DLGAP2: variants seen among roughly 807,000 people sequenced by gnomAD.
The protein encoded by DLGAP2 is disks large-associated protein 2.
Under a neutral mutation model 100.3 loss-of-function variants are expected in DLGAP2, and 26 were observed. That is an observed-to-expected ratio of 0.26 (90% CI 0.19 to 0.36). The LOEUF (loss-of-function observed/expected upper bound fraction) is 0.36, where lower values mean the gene tolerates loss of function less well. DLGAP2 is among the 10% of genes least tolerant of loss of function. The pLI is 1.00. For missense variants in DLGAP2, 1,858 were observed against 1,453.2 expected (o/e 1.28, Z -4.53); for synonymous variants, 886 against 630.1 (o/e 1.41, Z -6.08).
chr8:1,561,104 G>C (rs1802142628), intron 5 of DLGAP2, among the ~76,000 whole-genome samples: 1 of 152,116 alleles, frequency 6.6e-6, no homozygotes, highest in African/African-American at 2.4e-5. Context: ...TATGAGATCT[G>C]ATGGTTTTTT....
intron 1 of DLGAP2, among the ~76,000 whole-genome samples, chr8:838,883 T>C (rs1796931044): frequency 6.6e-6 from 1 of 152,222 alleles, no homozygotes; most frequent in South Asian, 2.1e-4. Flanking sequence ...ATGTCTGTGG[T>C]TATGACAAAC....
intron 3 of DLGAP2, among the ~76,000 whole-genome samples, chr8:1,374,824 C>G (rs1243656183): frequency 3.3e-5 from 5 of 152,216 alleles, no homozygotes; most frequent in Admixed American, 1.3e-4. Flanking sequence ...GCAGAGGCCA[C>G]TCAGGAAAGC....
intron 10 of DLGAP2, among the ~76,000 whole-genome samples, chr8:1,674,428 C>T (rs527966380): frequency 6.6e-6 from 1 of 152,228 alleles, no homozygotes; most frequent in South Asian, 2.1e-4. Context: ...GTATCACCCT[C>T]ATTCTCCCCA....
chr8:1,589,265 A>T (rs1796219263), intron 6 of DLGAP2, among the ~76,000 whole-genome samples: 2 of 152,226 alleles, frequency 1.3e-5, no homozygotes, highest in Non-Finnish European at 2.9e-5. Flanking sequence ...AGTTTTTCCA[A>T]TAGTAACACT....
rs548161620 is a variant in DLGAP2 at position 1,701,671 on chromosome 8, G to C, written c.*265G>C. 45 of 494,224 alleles carry C rather than the reference G, an allele frequency of 9.1e-5. No individual in the cohort carries two copies. The East Asian group carries it at 1.5e-3, about 17-fold the overall frequency. 30.6% of individuals were successfully genotyped at this position (494,224 alleles called of 1,614,324 possible). A position where few individuals can be genotyped will look rare whatever the true frequency, so the allele number is the denominator to read the frequency against. The stretch of plus-strand genomic sequence containing the variant: ...TGGCTCTGAGGGACAGGTGTGGCGA[G>C]ACCTGATTTCTCCTGCGTGTTCTCA... On this transcript the variant is annotated 3_prime_UTR_variant, in exon 15 of 15. Coordinates refer to ENST00000637795, the MANE Select transcript of DLGAP2 (RefSeq NM_001346810.2).
At chr8:933,206 G>T (rs768996506) in intron 2 of DLGAP2, among the ~76,000 whole-genome samples, 4 of 152,260 alleles carry the variant, frequency 2.6e-5, no homozygotes, top group Admixed American at 6.5e-5. Context: ...TCTAGGGTCA[G>T]ACCCTCTTTG....
At chr8:1,290,256 G>T (rs911710377) in intron 3 of DLGAP2, among the ~76,000 whole-genome samples, 7 of 152,186 alleles carry the variant, frequency 4.6e-5, no homozygotes, top group African/African-American at 7.2e-5. Context: ...AAGGAATCAC[G>T]TCCGTCGCGC....
intron 3 of DLGAP2, among the ~76,000 whole-genome samples, chr8:1,437,038 G>C (rs1045679656): frequency 1.2e-4 from 19 of 152,122 alleles, no homozygotes; most frequent in African/African-American, 3.9e-4. Flanking sequence ...GTTCAGCCCA[G>C]GCGCGTAAGG....
chr8:1,554,596 G>C (rs965056391), intron 5 of DLGAP2, among the ~76,000 whole-genome samples: 22 of 152,228 alleles, frequency 1.4e-4, no homozygotes, highest in African/African-American at 4.6e-4. Context: ...TCCTGTCTTT[G>C]TCCCGCTTTG....
intron 2 of DLGAP2, among the ~76,000 whole-genome samples, chr8:1,213,061 G>T (rs1798139585): frequency 6.6e-6 from 1 of 152,100 alleles, no homozygotes; most frequent in Non-Finnish European, 1.5e-5. Flanking sequence ...CCACAGAACG[G>T]TGAGTATCCA....
intron 3 of DLGAP2, among the ~76,000 whole-genome samples, chr8:1,426,719 G>T (rs1797246752): frequency 6.6e-6 from 1 of 152,148 alleles, no homozygotes; most frequent in Non-Finnish European, 1.5e-5. Context: ...TTCTTCGTTA[G>T]TAAAAACATA....
intron 4 of DLGAP2, among the ~76,000 whole-genome samples, chr8:1,536,820 G>C (rs752978577): frequency 1.3e-5 from 2 of 151,984 alleles, no homozygotes; most frequent in Non-Finnish European, 2.9e-5. Flanking sequence ...ATTTCACTTT[G>C]ACACCATTGA....
At chr8:860,774 G>T (rs1200229693) in intron 1 of DLGAP2, among the ~76,000 whole-genome samples, 4 of 152,234 alleles carry the variant, frequency 2.6e-5, no homozygotes, top group Non-Finnish European at 5.9e-5. Flanking sequence ...GACACGGCAG[G>T]TAGCGTGTGC....
intron 1 of DLGAP2, among the ~76,000 whole-genome samples, chr8:749,538 T>G (rs1486988005): frequency 1.3e-5 from 2 of 152,228 alleles, no homozygotes; most frequent in African/African-American, 2.4e-5. Flanking sequence ...TTTTCATCGA[T>G]GTGTAATGTT....
chr8:1,503,338 T>G (rs1457276961), intron 4 of DLGAP2, among the ~76,000 whole-genome samples: 5 of 152,176 alleles, frequency 3.3e-5, no homozygotes, highest in African/African-American at 4.8e-5. Flanking sequence ...TCTCTGAAAC[T>G]GACTCCTCCA....
At chr8:1,359,125 C>G (rs948666386) in intron 3 of DLGAP2, among the ~76,000 whole-genome samples, 1 of 152,168 alleles carries the variant, frequency 6.6e-6, no homozygotes, top group Admixed American at 6.5e-5. Flanking sequence ...GGGGACTGCA[C>G]GTGGAGAACC....
At chr8:1,298,614 G>T (rs993743429) in intron 3 of DLGAP2, among the ~76,000 whole-genome samples, 2 of 152,166 alleles carry the variant, frequency 1.3e-5, no homozygotes, top group Middle Eastern at 3.4e-3. Context: ...CACATGTCCT[G>T]CAGAAGCATG....
intron 6 of DLGAP2, among the ~76,000 whole-genome samples, chr8:1,590,178 C>A (rs938835406): frequency 6.6e-6 from 1 of 152,164 alleles, no homozygotes; most frequent in Admixed American, 6.5e-5. Flanking sequence ...GAGCCCACTC[C>A]GGTGACCTCA....
chr8:1,072,295 T>C (rs765044968), intron 2 of DLGAP2, among the ~76,000 whole-genome samples: 17 of 152,192 alleles, frequency 1.1e-4, no homozygotes, highest in Non-Finnish European at 1.3e-4. Context: ...GTAGACATTG[T>C]AATAACATTT....
Sources: gnomAD v4.1 joint callset for allele counts (sites outside exome capture counted in the v4.1 genomes callset) on GRCh38, gnomAD v4.1.1 for gene constraint, MANE v1.5 for transcripts, NCBI Gene and HGNC (gene_info 2026-07-23, HGNC 2026-07-21) for gene names.